Variants in XYLT1 observed in about 807,000 individuals in gnomAD.
XYLT1 encodes xylosyltransferase 1.
In XYLT1, 36 loss-of-function variants were observed where a neutral mutation model predicts 91.3. That is an observed-to-expected ratio of 0.39 (90% CI 0.30 to 0.52). The LOEUF is 0.52. XYLT1 is among the 20% of genes least tolerant of loss of function. XYLT1 has a pLI of 0.68. For missense variants in XYLT1, 1,242 were observed against 1,284.5 expected, an observed-to-expected ratio of 0.97 and a Z score of 0.51; for synonymous variants, 588 against 532.0, an observed-to-expected ratio of 1.11 and a Z score of -1.45.
chr16:17,141,387 G>T lies in XYLT1; in HGVS notation c.1371-18C>A. The T allele has an allele frequency of 6.2e-7, 1 of 1,611,646 alleles. No individual in the cohort carries two copies. The highest frequency in any genetic ancestry group is 8.5e-7 in the Non-Finnish European group (1 of 1,178,456). ...GAATGAACCTGGGAGGGAGAAAGCT[G>T]CCCTTAGCCCAGAGGTGTCCTGAAA... On this transcript the variant is annotated intron_variant, in intron 6 of 11. Coordinates refer to ENST00000261381, the MANE Select transcript of XYLT1 (RefSeq NM_022166.4).
intron 1 of XYLT1, among the ~76,000 whole-genome samples, chr16:17,464,566 C>T (rs1417192009): frequency 6.6e-6 from 1 of 151,030 alleles, no homozygotes; most frequent in Non-Finnish European, 1.5e-5. Flanking sequence ...TAAATGTTGG[C>T]GGTAATGAAT....
chr16:17,282,480 C>T (rs1397781405), intron 2 of XYLT1, among the ~76,000 whole-genome samples: 1 of 152,214 alleles, frequency 6.6e-6, no homozygotes, highest in Non-Finnish European at 1.5e-5. Context: ...GTTTGCCTTG[C>T]TAGCTGGAGG....
At chr16:17,383,308 T>C (rs2035704265) in intron 1 of XYLT1, among the ~76,000 whole-genome samples, 1 of 151,890 alleles carries the variant, frequency 6.6e-6, no homozygotes, top group African/African-American at 2.4e-5. Context: ...TCCTTCCCAA[T>C]TCAAGACGTT....
At chr16:17,130,409 G>A (rs184383019) in intron 9 of XYLT1, among the ~76,000 whole-genome samples, 23 of 152,346 alleles carry the variant, frequency 1.5e-4, no homozygotes, top group African/African-American at 5.5e-4. Flanking sequence ...GTCAAAGGAA[G>A]AGAGTGTTTC....
intron 2 of XYLT1, among the ~76,000 whole-genome samples, chr16:17,344,743 C>A (rs1240932246): frequency 6.6e-6 from 1 of 151,836 alleles, no homozygotes; most frequent in Non-Finnish European, 1.5e-5. Flanking sequence ...CTCTGTCACC[C>A]AAGCTGGAGT....
intron 1 of XYLT1, among the ~76,000 whole-genome samples, chr16:17,414,195 C>G (rs2141914636): frequency 6.6e-6 from 1 of 152,306 alleles, no homozygotes; most frequent in Non-Finnish European, 1.5e-5. Context: ...CTTTCAAGGG[C>G]ATTGACCTCA....
At chr16:17,272,469 C>G (rs954126587) in intron 2 of XYLT1, among the ~76,000 whole-genome samples, 14 of 152,202 alleles carry the variant, frequency 9.2e-5, no homozygotes, top group African/African-American at 3.4e-4. Context: ...CCGGCCATGT[C>G]TCTTAATTTA....
intron 10 of XYLT1, among the ~76,000 whole-genome samples, chr16:17,118,248 G>A (rs2029920104): frequency 6.6e-6 from 1 of 151,646 alleles, no homozygotes; most frequent in Non-Finnish European, 1.5e-5. Context: ...GCTTTGAAAA[G>A]AAAACCACAC....
chr16:17,408,271 T>C (rs2036059768), intron 1 of XYLT1, among the ~76,000 whole-genome samples: 1 of 152,230 alleles, frequency 6.6e-6, no homozygotes, highest in Non-Finnish European at 1.5e-5. Flanking sequence ...GTAAGTGCAG[T>C]GACATACGCT....
chr16:17,434,804 G>T (rs868336371), intron 1 of XYLT1, among the ~76,000 whole-genome samples: 1 of 151,978 alleles, frequency 6.6e-6, no homozygotes, highest in South Asian at 2.1e-4. Flanking sequence ...GGAGTTCAGG[G>T]CTATAGTGAG....
At chr16:17,170,172 T>G (rs976704479) in intron 5 of XYLT1, among the ~76,000 whole-genome samples, 1 of 152,206 alleles carries the variant, frequency 6.6e-6, no homozygotes, top group Non-Finnish European at 1.5e-5. Flanking sequence ...TGGAGTTCCT[T>G]GGAAAGAAGT....
chr16:17,366,715 C>T (rs78415483), intron 1 of XYLT1, among the ~76,000 whole-genome samples: 8,728 of 152,110 alleles, frequency 0.057, 270 homozygotes, highest in African/African-American at 0.11. Flanking sequence ...AACAAACAAA[C>T]AAACCAACCT....
intron 5 of XYLT1, among the ~76,000 whole-genome samples, chr16:17,177,960 G>A (rs1057121312): frequency 6.6e-6 from 1 of 152,208 alleles, no homozygotes; most frequent in Non-Finnish European, 1.5e-5. Context: ...TGAAATCAAC[G>A]AGTCTCAGGA....
At chr16:17,207,047 T>C (rs1352669243) in intron 3 of XYLT1, among the ~76,000 whole-genome samples, 3 of 99,344 alleles carry the variant, frequency 3.0e-5, no homozygotes, top group Middle Eastern at 4.3e-3. Context: ...GGTTTTCTTT[T>C]CTTTCTTTTT....
intron 11 of XYLT1, among the ~76,000 whole-genome samples, chr16:17,113,836 G>C (rs1247228906): frequency 6.6e-6 from 1 of 152,258 alleles, no homozygotes; most frequent in South Asian, 2.1e-4. Flanking sequence ...AGCTTCTGGA[G>C]AGCTGAATAC....
chr16:17,341,521 C>T (rs1309049776), intron 2 of XYLT1, among the ~76,000 whole-genome samples: 3 of 152,164 alleles, frequency 2.0e-5, no homozygotes, highest in Non-Finnish European at 2.9e-5. Context: ...TGCCAATATG[C>T]ACATGAATAC....
intron 2 of XYLT1, among the ~76,000 whole-genome samples, chr16:17,264,669 A>C (rs1256677876): frequency 6.6e-6 from 1 of 152,226 alleles, no homozygotes; most frequent in African/African-American, 2.4e-5. Flanking sequence ...TCATATGCCC[A>C]GCACCCAAGT....
At chr16:17,452,996 A>G (rs1279521813) in intron 1 of XYLT1, among the ~76,000 whole-genome samples, 1 of 152,224 alleles carries the variant, frequency 6.6e-6, no homozygotes, top group East Asian at 1.9e-4. Context: ...AAGGAGGCAA[A>G]CTACCAGAAT....
At chr16:17,232,904 A>AGGG (rs1470715143) in intron 3 of XYLT1, among the ~76,000 whole-genome samples, 8 of 152,072 alleles carry the variant, frequency 5.3e-5, no homozygotes, top group Admixed American at 3.9e-4. Flanking sequence ...CTACTTATTT[A>AGGG]TCTCAAAGAC....
Sources: gnomAD v4.1 joint callset for allele counts (sites outside exome capture counted in the v4.1 genomes callset) on GRCh38, gnomAD v4.1.1 for gene constraint, MANE v1.5 for transcripts, NCBI Gene and HGNC (gene_info 2026-07-23, HGNC 2026-07-21) for gene names.